The following NEDD4 variants were observed in gnomAD, a reference collection of about 807,000 sequenced individuals.
NEDD4 encodes the protein E3 ubiquitin-protein ligase NEDD4.
Under a neutral mutation model 144.9 loss-of-function variants are expected in NEDD4, and 99 were observed. The ratio of observed to expected loss-of-function variants is 0.68; its 90% CI spans 0.58 to 0.81. The LOEUF (loss-of-function observed/expected upper bound fraction) is 0.81. Among genes scored for constraint, NEDD4 ranks in the 30% least tolerant of loss-of-function variants. The pLI, the probability that NEDD4 is intolerant of heterozygous loss-of-function variation, is 0.00. For synonymous variants in NEDD4, 318 were observed against 350.6 expected (o/e 0.91, Z 1.04); for missense variants, 985 against 1,065.9 (o/e 0.92, Z 1.06).
chr15:55,920,977 A>T lies in NEDD4; in HGVS notation c.291+3669T>A, dbSNP rs568008870. Among the ~76,000 whole-genome samples, 79 of 152,336 alleles carry T rather than the reference A, an allele frequency of 5.2e-4. 1 individual carries two copies. Among genetic ancestry groups the T allele is most frequent in the African/African-American group, 1.9e-3 (77 of 41,588 alleles). ...AAGAAAAGCTGTATTTCCCACTCAT[A>T]GAAGAGCATCTAACACAGTAGATAT... is the stretch of plus-strand genomic sequence containing the variant. On this transcript the variant is annotated intron_variant, in intron 5 of 28. Coordinates refer to ENST00000435532, the MANE Select transcript of NEDD4 (RefSeq NM_006154.4).
intron 5 of NEDD4, chr15:55,916,645 T>C (rs1489060840): frequency 6.2e-7 from 1 of 1,613,988 alleles, no homozygotes. Context: ...ACGTTTTCCT[T>C]TATTAACGGA....
chr15:55,989,924 C>A, intron 1 of NEDD4, among the ~76,000 whole-genome samples: 1 of 152,076 alleles, frequency 6.6e-6, no homozygotes, highest in East Asian at 1.9e-4. Context: ...ACATTACCTC[C>A]GGAGCTCTGC....
intron 4 of NEDD4, among the ~76,000 whole-genome samples, chr15:55,932,331 A>G (rs1180884501): frequency 2.6e-5 from 4 of 152,348 alleles, no homozygotes. Context: ...ATATAGACCA[A>G]TGGAACAGAA....
intron 1 of NEDD4, among the ~76,000 whole-genome samples, chr15:55,989,458 G>A (rs2140457607): frequency 6.6e-6 from 1 of 152,254 alleles, no homozygotes; most frequent in South Asian, 2.1e-4. Flanking sequence ...GTACATAAAG[G>A]TTTGGGAAGT....
intron 1 of NEDD4, among the ~76,000 whole-genome samples, chr15:55,973,268 A>T (rs73420343): frequency 0.019 from 2,835 of 152,336 alleles, 78 homozygotes; most frequent in African/African-American, 0.064. Flanking sequence ...GCTAGGCACA[A>T]TGGTTCATGC....
At chr15:55,865,706 G>A (rs1424895552) in intron 8 of NEDD4, among the ~76,000 whole-genome samples, 1 of 152,060 alleles carries the variant, frequency 6.6e-6, no homozygotes, top group Non-Finnish European at 1.5e-5. Context: ...CGGCTTCCAA[G>A]ATGGAAGAGA....
At chr15:55,971,371 TC>T (rs557635683) in intron 1 of NEDD4, among the ~76,000 whole-genome samples, 1 of 152,152 alleles carries the variant, frequency 6.6e-6, no homozygotes, top group Non-Finnish European at 1.5e-5. Flanking sequence ...ATGCCTGTAA[TC>T]CCAGCACTTT....
intron 14 of NEDD4, among the ~76,000 whole-genome samples, chr15:55,849,963 T>G (rs528190578): frequency 2.2e-4 from 34 of 152,064 alleles, no homozygotes; most frequent in African/African-American, 8.2e-4. Context: ...TGACTAATTA[T>G]TTTGTATTTT....
intron 4 of NEDD4, among the ~76,000 whole-genome samples, chr15:55,934,414 G>A (rs1247346976): frequency 2.0e-5 from 3 of 152,048 alleles, no homozygotes; most frequent in South Asian, 4.1e-4. Context: ...ATGCTGCTAC[G>A]AACATTGGTG....
At chr15:55,844,040 A>G (rs1180655114) in intron 18 of NEDD4, among the ~76,000 whole-genome samples, 2 of 152,204 alleles carry the variant, frequency 1.3e-5, no homozygotes, top group African/African-American at 4.8e-5. Context: ...TGCAGGGCAT[A>G]AAAGACTGAG....
chr15:55,934,770 T>A (rs2036851372), intron 4 of NEDD4: 1 of 150,310 alleles, frequency 6.7e-6, no homozygotes, highest in African/African-American at 2.4e-5. Flanking sequence ...AATACCAGCA[T>A]ATAAGAAATT....
At chr15:55,963,750 G>A (rs1005531150) in intron 2 of NEDD4, among the ~76,000 whole-genome samples, 1 of 152,192 alleles carries the variant, frequency 6.6e-6, no homozygotes. Context: ...CTAAGGACCT[G>A]AGTGTCTATC....
In NEDD4 at chr15:55,837,743, G is replaced by GT. The variant is rs758222467; in HGVS notation, c.2262+45dup. The GT allele has an allele frequency of 4.8e-5, 69 of 1,429,064 alleles. No individual in the cohort carries two copies. The Middle Eastern group carries it at 5.3e-4, about 11-fold the overall frequency. 88.5% of individuals were successfully genotyped at this position (1,429,064 alleles called of 1,614,324 possible). A position where few individuals can be genotyped will look rare whatever the true frequency, so the allele number is the denominator to read the frequency against. ...GAGGCCTAATATTTGAAACTTATAG[G>GT]TTATACTGTGACATTATGGAAGAGC... On this transcript the variant is annotated intron_variant, in intron 24 of 28. Transcript: ENST00000435532.
At chr15:55,914,469 T>C (rs1325984430) in intron 5 of NEDD4, among the ~76,000 whole-genome samples, 1 of 151,910 alleles carries the variant, frequency 6.6e-6, no homozygotes, top group African/African-American at 2.4e-5. Context: ...ACTAATATAA[T>C]AAAGCTGAAT....
intron 2 of NEDD4, among the ~76,000 whole-genome samples, chr15:55,952,491 G>A (rs1023965827): frequency 2.0e-5 from 3 of 152,006 alleles, no homozygotes; most frequent in Non-Finnish European, 4.4e-5. Flanking sequence ...TTTTCCTCGG[G>A]TATCCAAAGT....
intron 5 of NEDD4, among the ~76,000 whole-genome samples, chr15:55,917,336 T>C (rs2036481001): frequency 6.6e-6 from 1 of 152,142 alleles, no homozygotes; most frequent in South Asian, 2.1e-4. Context: ...TTTTTACCCA[T>C]AGGTATAGAA....
At chr15:55,976,561 G>T (rs2037702365) in intron 1 of NEDD4, among the ~76,000 whole-genome samples, 1 of 151,200 alleles carries the variant, frequency 6.6e-6, no homozygotes, top group South Asian at 2.1e-4. Context: ...TTATCCAAAA[G>T]ATGGGCAATA....
At chr15:55,913,485 CTA>C (rs2036339246) in intron 5 of NEDD4, among the ~76,000 whole-genome samples, 1 of 151,994 alleles carries the variant, frequency 6.6e-6, no homozygotes, top group African/African-American at 2.4e-5. Context: ...TTAACTGTCA[CTA>C]TATGGTTTAC....
intron 2 of NEDD4, among the ~76,000 whole-genome samples, chr15:55,962,234 G>A (rs976234721): frequency 1.3e-5 from 2 of 151,934 alleles, no homozygotes; most frequent in African/African-American, 2.4e-5. Flanking sequence ...ATATCTTTTT[G>A]CGTCCGCTTT....
Sources: allele counts gnomAD v4.1 joint callset (sites outside exome capture counted in the v4.1 genomes callset), GRCh38; gene constraint gnomAD v4.1.1; transcripts MANE v1.5; gene names NCBI Gene and HGNC (gene_info 2026-07-23, HGNC 2026-07-21).